SHB: variants seen among roughly 807,000 people sequenced by gnomAD.
SHB encodes the protein SH2 domain containing adaptor protein B.
A neutral mutation model predicts 52.3 loss-of-function variants in SHB; 20 were observed. The ratio of observed to expected loss-of-function variants is 0.38; its 90% CI spans 0.27 to 0.56. SHB has a LOEUF of 0.56. Ranked by LOEUF, SHB falls within the 20% of genes least tolerant of loss-of-function variation. SHB has a pLI of 0.71. For missense variants in SHB, 825 were observed against 723.3 expected (o/e 1.14, Z -1.61); for synonymous variants, 397 against 316.5 (o/e 1.25, Z -2.70).
intron 1 of SHB, among the ~76,000 whole-genome samples, chr9:38,023,321 G>A (rs145529467): frequency 6.6e-6 from 1 of 152,320 alleles, no homozygotes; most frequent in Non-Finnish European, 1.5e-5. Flanking sequence ...AAGTGGAGCA[G>A]GGTGGTTTGC....
At chr9:37,952,655 T>A (rs1191216225) in intron 4 of SHB, among the ~76,000 whole-genome samples, 2 of 152,068 alleles carry the variant, frequency 1.3e-5, no homozygotes, top group East Asian at 3.9e-4. Context: ...AATAATGGAT[T>A]CTGGTGGTAC....
intron 5 of SHB, among the ~76,000 whole-genome samples, chr9:37,931,205 T>G (rs1418915633): frequency 2.0e-5 from 3 of 152,198 alleles, no homozygotes; most frequent in Admixed American, 6.5e-5. Flanking sequence ...GCCTTGGCAA[T>G]GATTTTTTTG....
At position 38,066,426 on chromosome 9, in the gene SHB, C is replaced by A. The variant is rs376972182; in HGVS notation, c.717+1503G>T. 1.1e-3 allele frequency among the ~76,000 whole-genome samples: 165 copies of A among 152,268 alleles called. 3 individuals carry two copies. The South Asian group carries it at 0.032, about 30-fold the overall frequency. ...CAAGCTTCAGCCATGCATAAGACTG[C>A]ACGGAGCCTATCTGGTGTTTCCCTC... On this transcript the variant is annotated intron_variant, in intron 1 of 5. Transcript: ENST00000377707.
intron 1 of SHB, among the ~76,000 whole-genome samples, chr9:38,032,583 C>T (rs1403340336): frequency 3.3e-5 from 5 of 152,224 alleles, no homozygotes; most frequent in Non-Finnish European, 7.3e-5. Context: ...TGCCCTGTGA[C>T]TCCGGCACAC....
chr9:38,044,820 CTG>C (rs1287948754), intron 1 of SHB, among the ~76,000 whole-genome samples: 2 of 152,256 alleles, frequency 1.3e-5, no homozygotes, highest in Non-Finnish European at 2.9e-5. Flanking sequence ...TGCATCCACT[CTG>C]GGGTCAGGCC....
chr9:38,068,137 G>T lies in SHB; in HGVS notation c.509C>A (p.Pro170His), dbSNP rs559689472. ...GTAGCGCACCTCGGCCGGCGTGGCG[G>T]GCCGCCGCTCGCTGCTGCTGCGGTA... is the stretch of plus-strand genomic sequence containing the variant. Reference protein sequence around the residue: ...HLYRSSSERRPATPAEVRYIS... With the variant: ...HLYRSSSERRHATPAEVRYIS... The change falls in exon 1 of 6, where the codon CCC (proline) becomes CAC (histidine). Residue 170 changes from proline (P) to histidine (H), a missense_variant. Transcript: ENST00000377707. 11 of 1,439,624 alleles carry T rather than the reference G, an allele frequency of 7.6e-6. No homozygotes were observed. In the South Asian group the frequency reaches 1.3e-4, roughly 17 times the overall value. 89.2% of individuals were successfully genotyped at this position (1,439,624 alleles called of 1,614,324 possible). A position where few individuals can be genotyped will look rare whatever the true frequency, so the allele number is the denominator to read the frequency against.
At chr9:37,993,688 T>C (rs989314978) in intron 2 of SHB, among the ~76,000 whole-genome samples, 4 of 151,834 alleles carry the variant, frequency 2.6e-5, no homozygotes, top group African/African-American at 9.7e-5. Context: ...AAAGAAAATA[T>C]AAAGTTCCCA....
At chr9:38,060,814 C>G (rs562417852) in intron 1 of SHB, among the ~76,000 whole-genome samples, 3 of 152,226 alleles carry the variant, frequency 2.0e-5, no homozygotes, top group African/African-American at 4.8e-5. Context: ...ACCCACACCA[C>G]TTTATTTACA....
chr9:38,022,726 G>T (rs994235342), intron 1 of SHB, among the ~76,000 whole-genome samples: 1 of 152,230 alleles, frequency 6.6e-6, no homozygotes, highest in Non-Finnish European at 1.5e-5. Flanking sequence ...TGGGGGTCTG[G>T]AGAGGGCTTC....
chr9:37,970,560 G>A (rs1327202019), intron 3 of SHB, among the ~76,000 whole-genome samples: 2 of 152,198 alleles, frequency 1.3e-5, no homozygotes, highest in Admixed American at 6.5e-5. Flanking sequence ...TTTGAAAGCT[G>A]GAAGGCACTT....
chr9:38,007,535 C>T (rs981970911), intron 2 of SHB, among the ~76,000 whole-genome samples: 4 of 152,218 alleles, frequency 2.6e-5, no homozygotes, highest in Admixed American at 6.5e-5. Context: ...TAAACTCAGA[C>T]TTTCCAGATC....
intron 2 of SHB, among the ~76,000 whole-genome samples, chr9:37,997,048 G>A (rs1258674178): frequency 1.3e-5 from 2 of 152,204 alleles, no homozygotes; most frequent in Non-Finnish European, 2.9e-5. Flanking sequence ...GGCAGGAGGT[G>A]GGTGGGAGCA....
At position 37,917,037 on chromosome 9, in the gene SHB, GA is replaced by G. The variant is rs200546962; in HGVS notation, c.*2783del. Among the ~76,000 whole-genome samples, 1,184 of 119,818 alleles carry G rather than the reference GA, an allele frequency of 9.9e-3. 12 individuals carry two copies. Among genetic ancestry groups the G allele is most frequent in the African/African-American group, 0.031 (1,037 of 33,436 alleles). The allele number at this position is 119,818 out of a possible 152,430, so 78.6% of individuals were successfully genotyped here. On this transcript the variant is annotated 3_prime_UTR_variant, in exon 6 of 6. Transcript: ENST00000377707. Reference sequence around the variant, plus strand: ...TTTCCCCAATTAATTGGCAGCAGATGAAAAAAAAAAAAAACAAACCCAAAAC... The same window carrying G: ...TTTCCCCAATTAATTGGCAGCAGATGAAAAAAAAAAAAACAAACCCAAAAC...
intron 2 of SHB, among the ~76,000 whole-genome samples, chr9:37,990,171 C>T (rs1564095886): frequency 6.6e-6 from 1 of 151,506 alleles, no homozygotes. Flanking sequence ...TCTAGGTGCC[C>T]TGCTGACATG....
intron 5 of SHB, among the ~76,000 whole-genome samples, chr9:37,924,266 T>C (rs986705456): frequency 9.8e-5 from 15 of 152,294 alleles, no homozygotes; most frequent in African/African-American, 3.4e-4. Flanking sequence ...GCAGGGCTAA[T>C]AACAGGCCCC....
chr9:37,975,385 C>A (rs2117969002), intron 2 of SHB, among the ~76,000 whole-genome samples: 1 of 152,334 alleles, frequency 6.6e-6, no homozygotes, highest in African/African-American at 2.4e-5. Context: ...TGAGTGACCC[C>A]TTCCCTTTAT....
intron 5 of SHB, among the ~76,000 whole-genome samples, chr9:37,944,777 C>T (rs980289582): frequency 6.6e-6 from 1 of 152,172 alleles, no homozygotes; most frequent in Admixed American, 6.5e-5. Flanking sequence ...CCTGAGCTGC[C>T]CTGCTAGCCG....
chr9:38,021,986 C>T (rs1382427628), intron 1 of SHB, among the ~76,000 whole-genome samples: 1 of 152,192 alleles, frequency 6.6e-6, no homozygotes, highest in African/African-American at 2.4e-5. Context: ...CCCACAAGGC[C>T]CCTGATTCTT....
intron 1 of SHB, among the ~76,000 whole-genome samples, chr9:38,053,179 G>C (rs548402987): frequency 1.3e-5 from 2 of 152,244 alleles, no homozygotes; most frequent in East Asian, 3.9e-4. Flanking sequence ...CCCACTACTA[G>C]CAGTGTCATC....
Sources: gnomAD v4.1 joint callset for allele counts (sites outside exome capture counted in the v4.1 genomes callset) on GRCh38, gnomAD v4.1.1 for gene constraint, MANE v1.5 for transcripts, NCBI Gene and HGNC (gene_info 2026-07-23, HGNC 2026-07-21) for gene names.